Variants in IL34 observed in about 807,000 individuals in gnomAD.
IL34 encodes interleukin 34.
Under a neutral mutation model 25.3 loss-of-function variants are expected in IL34, and 17 were observed. The observed-to-expected ratio is 0.67, with a 90% confidence interval of 0.46 to 1.01. The LOEUF (loss-of-function observed/expected upper bound fraction) is 1.01, where lower values mean the gene tolerates loss of function less well. Among genes scored for constraint, IL34 ranks in the 50% least tolerant of loss-of-function variants. The pLI, the probability that IL34 is intolerant of heterozygous loss-of-function variation, is 0.00. For synonymous variants in IL34, 174 were observed against 140.9 expected (o/e 1.23, Z -1.66); for missense variants, 368 against 312.9 (o/e 1.18, Z -1.33).
chr16:70,593,875 A>G (rs1010128671), intron 1 of IL34, among the ~76,000 whole-genome samples: 9 of 152,182 alleles, frequency 5.9e-5, no homozygotes, highest in Admixed American at 2.6e-4. Context: ...TTCCAGCACC[A>G]TTTGTTGGAA....
intron 1 of IL34, among the ~76,000 whole-genome samples, chr16:70,596,379 A>T (rs1191231738): frequency 6.6e-6 from 1 of 152,236 alleles, no homozygotes; most frequent in Non-Finnish European, 1.5e-5. Context: ...AAAGGTGGCT[A>T]GGGCATCTCC....
chr16:70,635,533 A>G (rs2051621776), intron 1 of IL34, among the ~76,000 whole-genome samples: 1 of 152,142 alleles, frequency 6.6e-6, no homozygotes, highest in South Asian at 2.1e-4. Flanking sequence ...TGGAGGTCAG[A>G]GGTCAGAGGT....
chr16:70,659,075 C>T (rs946542427), intron 4 of IL34, among the ~76,000 whole-genome samples: 4 of 152,168 alleles, frequency 2.6e-5, no homozygotes, highest in African/African-American at 9.7e-5. Flanking sequence ...TCTACAGTGG[C>T]CCTGACCTCC....
At chr16:70,624,678 C>T (rs1425135958) in intron 1 of IL34, among the ~76,000 whole-genome samples, 1 of 151,972 alleles carries the variant, frequency 6.6e-6, no homozygotes, top group Admixed American at 6.6e-5. Context: ...CTTCAGCCAC[C>T]TTTTTAAGAA....
At chr16:70,587,891 T>C (rs576718896) in intron 1 of IL34, among the ~76,000 whole-genome samples, 13 of 151,704 alleles carry the variant, frequency 8.6e-5, no homozygotes, top group Non-Finnish European at 1.8e-4. Context: ...ATACAAAAAT[T>C]AGCGGGCTGT....
At chr16:70,624,146 G>A (rs1019354339) in intron 1 of IL34, among the ~76,000 whole-genome samples, 2 of 152,076 alleles carry the variant, frequency 1.3e-5, no homozygotes, top group Admixed American at 6.5e-5. Context: ...TGAACAGTCC[G>A]ATTTTCAGTG....
chr16:70,607,993 C>G (rs1269604432), intron 1 of IL34, among the ~76,000 whole-genome samples: 1 of 151,988 alleles, frequency 6.6e-6, no homozygotes, highest in Non-Finnish European at 1.5e-5. Context: ...GTCCCGAACT[C>G]CTGACCTTAG....
chr16:70,622,312 T>A (rs2051299513), intron 1 of IL34, among the ~76,000 whole-genome samples: 1 of 152,096 alleles, frequency 6.6e-6, no homozygotes, highest in African/African-American at 2.4e-5. Context: ...AAAGCTAATT[T>A]GCCAGTCCTG....
intron 1 of IL34, among the ~76,000 whole-genome samples, chr16:70,622,484 G>A (rs367564655): frequency 0.01 from 1,563 of 151,854 alleles, 30 homozygotes; most frequent in African/African-American, 0.036. Flanking sequence ...CGGGCTAGTG[G>A]CTTGTACTAT....
At chr16:70,605,688 T>C (rs1464303169) in intron 1 of IL34, among the ~76,000 whole-genome samples, 1 of 152,156 alleles carries the variant, frequency 6.6e-6, no homozygotes, top group African/African-American at 2.4e-5. Context: ...TTTTTTTTCT[T>C]TCATGGAGTT....
At chr16:70,655,210 G>A (rs530166873) in intron 2 of IL34, among the ~76,000 whole-genome samples, 2 of 151,810 alleles carry the variant, frequency 1.3e-5, no homozygotes, top group South Asian at 4.2e-4. Context: ...GCGCCACCAT[G>A]CCCAGCTAAT....
At chr16:70,652,164 G>T (rs2151878000) in intron 1 of IL34, among the ~76,000 whole-genome samples, 1 of 150,450 alleles carries the variant, frequency 6.6e-6, no homozygotes, top group South Asian at 2.1e-4. Context: ...TAAATGTCCT[G>T]CAAGGCCAAG....
chr16:70,655,871 G>A (rs1310895953), intron 2 of IL34, among the ~76,000 whole-genome samples: 3 of 152,120 alleles, frequency 2.0e-5, no homozygotes, highest in African/African-American at 7.2e-5. Context: ...ACTGCACCTG[G>A]CTTGTGTCTT....
intron 1 of IL34, among the ~76,000 whole-genome samples, chr16:70,580,780 C>CAAA (rs200027520): frequency 2.5e-5 from 2 of 81,142 alleles, no homozygotes; most frequent in Non-Finnish European, 5.4e-5. Context: ...GACTATGTCT[C>CAAA]AAAAAAAAAA....
chr16:70,606,357 C>T (rs1433096850), intron 1 of IL34, among the ~76,000 whole-genome samples: 2 of 151,946 alleles, frequency 1.3e-5, no homozygotes, highest in Non-Finnish European at 2.9e-5. Flanking sequence ...GAGATCGCAC[C>T]ACTGCACTCC....
chr16:70,583,337 A>G (rs2050655888), intron 1 of IL34, among the ~76,000 whole-genome samples: 1 of 151,854 alleles, frequency 6.6e-6, no homozygotes, highest in Non-Finnish European at 1.5e-5. Flanking sequence ...GCTGACCTCA[A>G]CAGATTCACC....
At chr16:70,649,639 G>A (rs190993575) in intron 1 of IL34, among the ~76,000 whole-genome samples, 19 of 152,052 alleles carry the variant, frequency 1.2e-4, no homozygotes, top group Non-Finnish European at 2.5e-4. Flanking sequence ...TTAACCCACT[G>A]CACAGGTTCA....
rs528232214 is a variant in IL34 at position 70,652,138 on chromosome 16, T to TAAATAA, written c.29-2386_29-2381dup. 2.1e-5 allele frequency among the ~76,000 whole-genome samples: 3 copies of TAAATAA among 142,656 alleles called. No homozygotes were observed. The Admixed American group carries it at 2.1e-4, about 10-fold the overall frequency. 93.6% of individuals were successfully genotyped at this position (142,656 alleles called of 152,430 possible). On this transcript the variant is annotated intron_variant, in intron 1 of 5. Coordinates refer to ENST00000288098, the MANE Select transcript of IL34 (RefSeq NM_001393494.1). The stretch of plus-strand genomic sequence containing the variant: ...GCGGGACTCCGTCTCAAAAAAAAAA[T>TAAATAA]AAATAAAAATAAAAATAAATGTCCT...
At chr16:70,634,990 A>G (rs1016810504) in intron 1 of IL34, among the ~76,000 whole-genome samples, 4 of 152,134 alleles carry the variant, frequency 2.6e-5, no homozygotes, top group African/African-American at 9.7e-5. Flanking sequence ...CTGTTGGCAG[A>G]TATTTGGATG....
Sources: allele counts gnomAD v4.1 joint callset (sites outside exome capture counted in the v4.1 genomes callset), GRCh38; gene constraint gnomAD v4.1.1; transcripts MANE v1.5; gene names NCBI Gene and HGNC (gene_info 2026-07-23, HGNC 2026-07-21).